TRAF3: variants seen among roughly 807,000 people sequenced by gnomAD.
The protein encoded by TRAF3 is TNF receptor-associated factor 3.
In TRAF3, 13 loss-of-function variants were observed where a neutral mutation model predicts 62.3. That is an observed-to-expected ratio of 0.21 (90% CI 0.14 to 0.33). The LOEUF is 0.33. Ranked by LOEUF, TRAF3 falls within the 10% of genes least tolerant of loss-of-function variation. TRAF3 has a pLI of 1.00. For synonymous variants in TRAF3, 269 were observed against 283.4 expected, an observed-to-expected ratio of 0.95 and a Z score of 0.51; for missense variants, 440 against 741.8, an observed-to-expected ratio of 0.59 and a Z score of 4.73.
chr14:102,901,433 C>CT (rs1474741761), intron 10 of TRAF3, among the ~76,000 whole-genome samples: 2 of 152,214 alleles, frequency 1.3e-5, no homozygotes, highest in African/African-American at 4.8e-5. Flanking sequence ...GCGAGCACCC[C>CT]TGCCAGCTCA....
chr14:102,867,066 G>C (rs1205715797), intron 2 of TRAF3, among the ~76,000 whole-genome samples: 1 of 152,144 alleles, frequency 6.6e-6, no homozygotes, highest in African/African-American at 2.4e-5. Context: ...TGAGAGTGTG[G>C]TTTCATAGAA....
intron 2 of TRAF3, among the ~76,000 whole-genome samples, chr14:102,839,076 T>C (rs556948271): frequency 1.3e-5 from 2 of 152,248 alleles, no homozygotes; most frequent in Admixed American, 1.3e-4. Context: ...ATGAGTCCTT[T>C]TGCTTGCCCA....
Position 102,899,042 on chromosome 14 carries a change from G to A in TRAF3, c.960+1641G>A, listed in dbSNP as rs951723360. Reference sequence around the variant, plus strand: ...GTTGTGTTTAGGGAAGGGACTCAGAGCAGGCTGCCCGCGCCTGATTCCCCT... The same window carrying A: ...GTTGTGTTTAGGGAAGGGACTCAGAACAGGCTGCCCGCGCCTGATTCCCCT... On this transcript the variant is annotated intron_variant, in intron 10 of 11. Transcript: ENST00000392745. 2.6e-5 allele frequency among the ~76,000 whole-genome samples: 4 copies of A among 152,224 alleles called. No individual in the cohort carries two copies. In the South Asian group the frequency reaches 6.2e-4, roughly 24 times the overall value.
Position 102,824,066 on chromosome 14 carries a change from A to G in TRAF3, c.-156-6268A>G, listed in dbSNP as rs1378731747. On this transcript the variant is annotated intron_variant, in intron 1 of 11. Transcript: ENST00000392745. ...GTTGTGTGATAGCGCTGCTGTGAAC[A>G]TTCATGTACAGGTTTTTGTGTGGAC... Among the ~76,000 whole-genome samples the G allele has an allele frequency of 3.3e-5, 5 of 152,340 alleles. No homozygotes were observed. In the East Asian group the frequency reaches 9.6e-4, roughly 29 times the overall value.
intron 2 of TRAF3, among the ~76,000 whole-genome samples, chr14:102,865,553 G>A (rs1458989754): frequency 6.8e-6 from 1 of 147,948 alleles, no homozygotes; most frequent in Non-Finnish European, 1.5e-5. Context: ...AGGCTGGAGT[G>A]CAGTGGCACG....
chr14:102,828,020 G>A (rs1424125553), intron 1 of TRAF3, among the ~76,000 whole-genome samples: 2 of 152,240 alleles, frequency 1.3e-5, no homozygotes, highest in Admixed American at 1.3e-4. Flanking sequence ...CCCGGAGAGG[G>A]GGCGTCGTAG....
At chr14:102,808,268 T>G (rs1349793313) in intron 1 of TRAF3, among the ~76,000 whole-genome samples, 1 of 152,026 alleles carries the variant, frequency 6.6e-6, no homozygotes, top group Non-Finnish European at 1.5e-5. Context: ...ATCCCAGCAC[T>G]TTGGGAGGCT....
At chr14:102,834,687 C>CAAAA (rs35056615) in intron 2 of TRAF3, among the ~76,000 whole-genome samples, 7,214 of 54,034 alleles carry the variant, frequency 0.13, 1,191 homozygotes, top group African/African-American at 0.36. Flanking sequence ...GACTCCGTCT[C>CAAAA]AAAAAAAAAA....
At chr14:102,846,638 TAAAA>T (rs752922791) in intron 2 of TRAF3, among the ~76,000 whole-genome samples, 23 of 71,776 alleles carry the variant, frequency 3.2e-4, no homozygotes, top group African/African-American at 8.2e-4. Flanking sequence ...TCCAGCTTCT[TAAAA>T]AAAAAAAAAA....
At chr14:102,847,472 C>T (rs147189795) in intron 2 of TRAF3, among the ~76,000 whole-genome samples, 2 of 152,240 alleles carry the variant, frequency 1.3e-5, no homozygotes, top group East Asian at 3.9e-4. Context: ...CTGCGCCTGG[C>T]CTTGAAATTT....
rs374950124 is a variant in TRAF3 at position 102,886,058 on chromosome 14, A to T, written c.571-131A>T. The T allele has an allele frequency of 1.8e-4, 130 of 740,436 alleles. No homozygotes were observed. In the African/African-American group the frequency reaches 2.0e-3, roughly 11 times the overall value. 45.9% of individuals were successfully genotyped at this position (740,436 alleles called of 1,614,324 possible). A position where few individuals can be genotyped will look rare whatever the true frequency, so the allele number is the denominator to read the frequency against. On this transcript the variant is annotated intron_variant, in intron 6 of 11. Transcript: ENST00000392745. Reference sequence around the variant, plus strand: ...GACAATAATGACTCAGCCATACGTAATGTGAGTGCCATAACTTAGAGGACA... The same window carrying T: ...GACAATAATGACTCAGCCATACGTATTGTGAGTGCCATAACTTAGAGGACA...
Position 102,910,411 on chromosome 14 carries a change from T to G in TRAF3, c.*4627T>G, listed in dbSNP as rs1413726009. 6.6e-6 allele frequency: 1 copy of G among 152,256 alleles called. No homozygotes were observed. Among genetic ancestry groups the G allele is most frequent in the Admixed American group, 6.5e-5 (1 of 15,278 alleles). 9.4% of individuals were successfully genotyped at this position (152,256 alleles called of 1,614,324 possible). A position where few individuals can be genotyped will look rare whatever the true frequency, so the allele number is the denominator to read the frequency against. On this transcript the variant is annotated 3_prime_UTR_variant, in exon 12 of 12. Coordinates refer to ENST00000392745, the MANE Select transcript of TRAF3 (RefSeq NM_145725.3). ...CATGACCATAGTTCTGTTTTCCGTTTGCAAATCTCAGTAGCTCTGTTTTCT... is the reference window on the plus strand; with the variant it reads ...CATGACCATAGTTCTGTTTTCCGTTGGCAAATCTCAGTAGCTCTGTTTTCT...
At chr14:102,900,179 GGAAAAAAAA>G (rs1396860377) in intron 10 of TRAF3, among the ~76,000 whole-genome samples, 3 of 83,768 alleles carry the variant, frequency 3.6e-5, no homozygotes, top group African/African-American at 1.0e-4. Flanking sequence ...ACTCCGTCTC[GGAAAAAAAA>G]AAAAAAAAAA....
chr14:102,797,848 C>A (rs1415167881), intron 1 of TRAF3, among the ~76,000 whole-genome samples: 2 of 151,934 alleles, frequency 1.3e-5, no homozygotes, highest in Non-Finnish European at 2.9e-5. Context: ...AGCGATTCTC[C>A]CGCCTCAGCT....
intron 2 of TRAF3, chr14:102,865,907 T>C (rs1887960743): frequency 6.6e-6 from 1 of 152,238 alleles, no homozygotes; most frequent in Admixed American, 6.5e-5. Context: ...CAGAGAAGAT[T>C]AGCATGGCCC....
chr14:102,792,081 T>G (rs1240630256), intron 1 of TRAF3, among the ~76,000 whole-genome samples: 3 of 145,356 alleles, frequency 2.1e-5, no homozygotes, highest in Non-Finnish European at 4.5e-5. Flanking sequence ...CCCAAAGTGC[T>G]GGGATTACAG....
chr14:102,855,453 T>G (rs922424792), intron 2 of TRAF3, among the ~76,000 whole-genome samples: 3 of 152,150 alleles, frequency 2.0e-5, no homozygotes, highest in Non-Finnish European at 4.4e-5. Flanking sequence ...CAGCAGTATA[T>G]GAGGGTTTCA....
At chr14:102,889,766 G>C (rs1566800434) in intron 8 of TRAF3, 132 bp downstream of exon 8, 3 of 1,154,636 alleles carry the variant, frequency 2.6e-6, no homozygotes, top group East Asian at 4.9e-5. Flanking sequence ...CCTGTTGCAT[G>C]GGTGACGAAA....
intron 1 of TRAF3, among the ~76,000 whole-genome samples, chr14:102,782,762 C>T (rs941526554): frequency 1.3e-5 from 2 of 151,896 alleles, no homozygotes; most frequent in African/African-American, 2.4e-5. Flanking sequence ...GGCCATTCTA[C>T]CAAGAAAGAT....
Sources: allele counts gnomAD v4.1 joint callset (sites outside exome capture counted in the v4.1 genomes callset), GRCh38; gene constraint gnomAD v4.1.1; transcripts MANE v1.5; gene names NCBI Gene and HGNC (gene_info 2026-07-23, HGNC 2026-07-21).